MAMDC2: variants seen among roughly 807,000 people sequenced by gnomAD.
MAMDC2 encodes MAM domain containing 2.
A neutral mutation model predicts 89.8 loss-of-function variants in MAMDC2; 57 were observed. The ratio of observed to expected loss-of-function variants is 0.63; its 90% CI spans 0.51 to 0.79. The LOEUF (loss-of-function observed/expected upper bound fraction) is 0.79. Among genes scored for constraint, MAMDC2 ranks in the 30% least tolerant of loss-of-function variants. The pLI is 0.00. For missense variants in MAMDC2, 800 were observed against 820.6 expected (o/e 0.97, Z 0.31); for synonymous variants, 313 against 293.4 (o/e 1.07, Z -0.68).
intron 9 of MAMDC2, chr9:70,153,644 T>A (rs2031649685): frequency 1.3e-5 from 2 of 152,184 alleles, no homozygotes. Flanking sequence ...TTCACTGGGA[T>A]CAGGCTTAAT....
chr9:70,159,444 A>G (rs958801582), intron 9 of MAMDC2, among the ~76,000 whole-genome samples: 1 of 152,212 alleles, frequency 6.6e-6, no homozygotes, highest in Non-Finnish European at 1.5e-5. Flanking sequence ...CACTTCATGG[A>G]TCTACACTTT....
At chr9:70,140,907 G>A (rs1236665268) in intron 8 of MAMDC2, among the ~76,000 whole-genome samples, 1 of 152,216 alleles carries the variant, frequency 6.6e-6, no homozygotes. Context: ...TTTGAAACAG[G>A]AGTCTGAGTG....
chr9:70,151,831 T>C (rs1380419519), intron 9 of MAMDC2, among the ~76,000 whole-genome samples: 1 of 152,172 alleles, frequency 6.6e-6, no homozygotes, highest in African/African-American at 2.4e-5. Context: ...GATGATCTAG[T>C]AGAAATGAAT....
intron 11 of MAMDC2, among the ~76,000 whole-genome samples, chr9:70,186,023 C>A (rs2032747830): frequency 6.6e-6 from 1 of 152,058 alleles, no homozygotes. Context: ...TCAATATACG[C>A]TTTTTGTTGA....
intron 9 of MAMDC2, among the ~76,000 whole-genome samples, chr9:70,150,151 C>G (rs2031539644): frequency 6.6e-6 from 1 of 152,212 alleles, no homozygotes; most frequent in Non-Finnish European, 1.5e-5. Flanking sequence ...TTTTCCAGAG[C>G]TATGACACCC....
In MAMDC2 at chr9:70,051,865, C is replaced by A. The variant is rs868500510; in HGVS notation, c.148+7168C>A. ...TGATTACATATCCATCTATTTATATCTATTTACCTATCTAGATAGATAGAG... is the reference window on the plus strand; with the variant it reads ...TGATTACATATCCATCTATTTATATATATTTACCTATCTAGATAGATAGAG... On this transcript the variant is annotated intron_variant, in intron 2 of 13. Transcript: ENST00000377182. 3.3e-4 allele frequency among the ~76,000 whole-genome samples: 49 copies of A among 150,202 alleles called. No individual in the cohort carries two copies. In the Middle Eastern group the frequency reaches 0.01, roughly 31 times the overall value.
chr9:70,044,748 G>C (rs184060019), intron 2 of MAMDC2, 51 bp downstream of exon 2: 1 of 1,384,560 alleles, frequency 7.2e-7, no homozygotes, highest in African/African-American at 1.4e-5. Flanking sequence ...TTCCTTGATG[G>C]CTTGCTTTTT....
intron 11 of MAMDC2, among the ~76,000 whole-genome samples, chr9:70,207,892 C>A (rs1022328638): frequency 6.6e-6 from 1 of 152,128 alleles, no homozygotes; most frequent in Non-Finnish European, 1.5e-5. Flanking sequence ...ATAGGGAAAC[C>A]TTTCCCCATT....
At chr9:70,078,571 T>C (rs563617848) in intron 2 of MAMDC2, among the ~76,000 whole-genome samples, 27 of 152,168 alleles carry the variant, frequency 1.8e-4, no homozygotes, top group Non-Finnish European at 2.5e-4. Flanking sequence ...TGTTGATTAG[T>C]GATTGGCTAT....
intron 2 of MAMDC2, among the ~76,000 whole-genome samples, chr9:70,090,220 C>A (rs1183896714): frequency 6.6e-6 from 1 of 151,956 alleles, no homozygotes; most frequent in African/African-American, 2.4e-5. Flanking sequence ...CACCTGTAAT[C>A]CCAACACTTT....
At chr9:70,202,770 T>G (rs945405089) in intron 11 of MAMDC2, among the ~76,000 whole-genome samples, 8 of 151,700 alleles carry the variant, frequency 5.3e-5, no homozygotes, top group African/African-American at 1.2e-4. Context: ...TTAGGATAGT[T>G]AGCTCTTCTT....
At chr9:70,097,811 A>C (rs1364143965) in intron 2 of MAMDC2, among the ~76,000 whole-genome samples, 1 of 152,152 alleles carries the variant, frequency 6.6e-6, no homozygotes, top group African/African-American at 2.4e-5. Context: ...TCATCCTCTT[A>C]TCCATGGAAA....
chr9:70,145,373 C>T (rs185745674), intron 9 of MAMDC2, among the ~76,000 whole-genome samples: 2 of 152,298 alleles, frequency 1.3e-5, no homozygotes, highest in Non-Finnish European at 1.5e-5. Context: ...TTTGAACAAG[C>T]CTTTCTTCCT....
intron 7 of MAMDC2, among the ~76,000 whole-genome samples, chr9:70,136,140 G>A (rs2030997627): frequency 6.6e-6 from 1 of 152,136 alleles, no homozygotes; most frequent in Non-Finnish European, 1.5e-5. Flanking sequence ...CACAAAGTGG[G>A]ACCCTTTCTC....
Position 70,108,219 on chromosome 9 carries a change from A to T in MAMDC2, c.157A>T (p.Ile53Phe), listed in dbSNP as rs189811112. 1 of 1,593,646 alleles carries T rather than the reference A, an allele frequency of 6.3e-7. No individual in the cohort carries two copies. Among genetic ancestry groups the T allele is most frequent in the East Asian group, 2.2e-5 (1 of 44,484 alleles). Residue 53 changes from isoleucine (I) to phenylalanine (F), a missense_variant, in exon 3 of 14, where the codon ATT becomes TTT. Coordinates refer to ENST00000377182, the MANE Select transcript of MAMDC2 (RefSeq NM_153267.5). ...TTCCTTTCTCTTTCCAGGCCATTACATTTATGTGGATACCTCCTTTGGCAA... is the reference window on the plus strand; with the variant it reads ...TTCCTTTCTCTTTCCAGGCCATTACTTTTATGTGGATACCTCCTTTGGCAA... ...PWILNEEGHYIYVDTSFGKQG... is the reference protein window; with the variant it reads ...PWILNEEGHYFYVDTSFGKQG...
At chr9:70,062,234 A>G (rs1827164602) in intron 2 of MAMDC2, among the ~76,000 whole-genome samples, 1 of 151,742 alleles carries the variant, frequency 6.6e-6, no homozygotes, top group Non-Finnish European at 1.5e-5. Context: ...ACACTTGGAT[A>G]CACTGATATA....
chr9:70,100,638 A>G (rs1448945469), intron 2 of MAMDC2, among the ~76,000 whole-genome samples: 1 of 152,206 alleles, frequency 6.6e-6, no homozygotes, highest in Non-Finnish European at 1.5e-5. Context: ...ACTTGAAATG[A>G]TGATTAGCCT....
In MAMDC2 at chr9:70,043,890, G is replaced by T; in HGVS notation, c.-308G>T. On this transcript the variant is annotated 5_prime_UTR_variant, in exon 1 of 14. Transcript: ENST00000377182. ...CCAGTCGTGGCTGGCCTTTCAAAGT[G>T]TGCAGTTGTCTCCTCCCTGTCCAGC... 1 of 513,222 alleles carries T rather than the reference G, an allele frequency of 1.9e-6. No individual in the cohort carries two copies. The highest frequency in any genetic ancestry group is 3.4e-5 in the East Asian group (1 of 29,766). The allele number at this position is 513,222 out of a possible 1,614,324, so 31.8% of individuals were successfully genotyped here.
At chr9:70,083,183 T>C (rs1423889124) in intron 2 of MAMDC2, among the ~76,000 whole-genome samples, 2 of 152,272 alleles carry the variant, frequency 1.3e-5, no homozygotes, top group East Asian at 3.9e-4. Context: ...GCTGCTATTG[T>C]CTCATTTTCA....
Sources: gnomAD v4.1 joint callset for allele counts (sites outside exome capture counted in the v4.1 genomes callset) on GRCh38, gnomAD v4.1.1 for gene constraint, MANE v1.5 for transcripts, NCBI Gene and HGNC (gene_info 2026-07-23, HGNC 2026-07-21) for gene names.